The following AEBP2 variants were observed in gnomAD, a reference collection of about 807,000 sequenced individuals.
AEBP2 encodes zinc finger protein AEBP2.
In AEBP2, 10 loss-of-function variants were observed where a neutral mutation model predicts 50.8. That is an observed-to-expected ratio of 0.20 (90% CI 0.12 to 0.33). AEBP2 has a LOEUF of 0.33. AEBP2 is among the 10% of genes least tolerant of loss of function. The pLI is 1.00. For missense variants in AEBP2, 570 were observed against 688.0 expected (o/e 0.83, Z 1.92); for synonymous variants, 296 against 261.3 (o/e 1.13, Z -1.28).
intron 1 of AEBP2, among the ~76,000 whole-genome samples, chr12:19,414,582 C>T (rs937636561): frequency 2.6e-5 from 4 of 152,230 alleles, no homozygotes; most frequent in Admixed American, 1.3e-4. Context: ...CACTGGAGGG[C>T]GATGTCTTTT....
intron 5 of AEBP2, among the ~76,000 whole-genome samples, chr12:19,500,721 T>C (rs1030163777): frequency 8.5e-5 from 13 of 152,184 alleles, no homozygotes; most frequent in Non-Finnish European, 1.8e-4. Context: ...TTTAGTCTCT[T>C]TTGTTCCACT....
intron 1 of AEBP2, among the ~76,000 whole-genome samples, chr12:19,425,383 G>A (rs938302838): frequency 2.6e-5 from 4 of 152,152 alleles, no homozygotes; most frequent in African/African-American, 9.7e-5. Flanking sequence ...TAAATAGCAT[G>A]ATGAATATTA....
chr12:19,483,776 GT>G (rs1316101304), intron 3 of AEBP2, among the ~76,000 whole-genome samples: 1 of 152,076 alleles, frequency 6.6e-6, no homozygotes, highest in African/African-American at 2.4e-5. Context: ...GTTGCTTCTT[GT>G]CTTATTGTTA....
At position 19,441,686 on chromosome 12, in the gene AEBP2, A is replaced by G. The variant is rs529644189; in HGVS notation, c.671+1316A>G. Reference sequence around the variant, plus strand: ...TTAAGAAAATATCTTCGGGTAAAGTAGACTGTATAAACCTTAGAAAAATTG... The same window carrying G: ...TTAAGAAAATATCTTCGGGTAAAGTGGACTGTATAAACCTTAGAAAAATTG... On this transcript the variant is annotated intron_variant, in intron 1 of 7. Coordinates refer to ENST00000266508, the MANE Select transcript of AEBP2 (RefSeq NM_153207.5). 3.3e-5 allele frequency among the ~76,000 whole-genome samples: 5 copies of G among 152,354 alleles called. No individual in the cohort carries two copies. The South Asian group carries it at 1.0e-3, about 32-fold the overall frequency.
chr12:19,514,741 C>G lies in AEBP2; in HGVS notation c.1438C>G (p.Leu480Val), dbSNP rs1303932042. The G allele has an allele frequency of 1.2e-6, 2 of 1,611,790 alleles. No homozygotes were observed. The highest frequency in any genetic ancestry group is 1.7e-6 in the Non-Finnish European group (2 of 1,179,040). ...AACTAAAGTAGTTCATTTATCAAAGCTACCCAAAGATACTGCCTTGCTTTT... is the reference window on the plus strand; with the variant it reads ...AACTAAAGTAGTTCATTTATCAAAGGTACCCAAAGATACTGCCTTGCTTTT... ...LKTKVVHLSK[L>V]PKDTALLLDP... is the part of the protein sequence containing the mutation. Residue 480 changes from leucine to valine, a missense_variant, in exon 7 of 8, where the codon CTA becomes GTA. Leu to Val is a conservative substitution (Grantham distance 32). This residue lies in a region of AEBP2 where 184 missense variants were observed against 351.2 expected (regional missense o/e 0.52). Transcript: ENST00000266508.
Position 19,520,659 on chromosome 12 carries a change from A to T in AEBP2, c.*2542A>T, listed in dbSNP as rs1031421621. ...GTCCAGAATTTATGTATTGTTCAGC[A>T]TCAAGCAAACTACAGCTCACAAGCA... On this transcript the variant is annotated 3_prime_UTR_variant, in exon 8 of 8. Transcript: ENST00000266508. 6.6e-6 allele frequency: 1 copy of T among 152,196 alleles called. No individual in the cohort carries two copies. Among genetic ancestry groups the T allele is most frequent in the African/African-American group, 2.4e-5 (1 of 41,438 alleles). The allele number at this position is 152,196 out of a possible 1,614,324, so 9.4% of individuals were successfully genotyped here.
At chr12:19,475,058 T>C (rs1948627304) in intron 3 of AEBP2, among the ~76,000 whole-genome samples, 1 of 152,206 alleles carries the variant, frequency 6.6e-6, no homozygotes, top group African/African-American at 2.4e-5. Context: ...CCCAAAGTGC[T>C]GGGATTAACC....
chr12:19,492,180 T>TA (rs1243523493), intron 3 of AEBP2, among the ~76,000 whole-genome samples: 1 of 152,238 alleles, frequency 6.6e-6, no homozygotes, highest in African/African-American at 2.4e-5. Flanking sequence ...GTAAATTGGT[T>TA]AAATGACTAA....
chr12:19,459,359 G>T (rs965648785), intron 1 of AEBP2, among the ~76,000 whole-genome samples: 4 of 151,954 alleles, frequency 2.6e-5, no homozygotes, highest in Non-Finnish European at 4.4e-5. Flanking sequence ...AGCCTCCTGA[G>T]TAGCTGGGAC....
chr12:19,459,241 C>CT (rs1031600026), intron 1 of AEBP2, among the ~76,000 whole-genome samples: 17 of 150,312 alleles, frequency 1.1e-4, no homozygotes, highest in Admixed American at 7.3e-4. Flanking sequence ...CTTTTTTTTT[C>CT]TTTTTTTTGA....
Position 19,440,101 on chromosome 12 carries a change from C to T in AEBP2, c.402C>T (p.Ser134=), listed in dbSNP as rs1260973324. The change falls in exon 1 of 8, where the codon AGC becomes AGT. Residue 134 remains serine, a synonymous_variant. Transcript: ENST00000266508. Reference sequence around the variant, plus strand: ...TGGGCAGCAGCGGCGGGAGCAGCAGCGACGAGACCCGCTCGTTGAGCCCCG... The same window carrying T: ...TGGGCAGCAGCGGCGGGAGCAGCAGTGACGAGACCCGCTCGTTGAGCCCCG... ...SLVGSSGGSS[S]DETRSLSPGA... The T allele has an allele frequency of 6.0e-6, 9 of 1,505,588 alleles. No individual in the cohort carries two copies. Among genetic ancestry groups the T allele is most frequent in the East Asian group, 2.7e-5 (1 of 37,184 alleles). The allele number at this position is 1,505,588 out of a possible 1,614,324, so 93.3% of individuals were successfully genotyped here. A position where few individuals can be genotyped will look rare whatever the true frequency, so the allele number is the denominator to read the frequency against.
chr12:19,484,725 C>A lies in AEBP2; in HGVS notation c.988-9075C>A, dbSNP rs1592757936. On this transcript the variant is annotated intron_variant, in intron 3 of 7. Coordinates refer to ENST00000266508, the MANE Select transcript of AEBP2 (RefSeq NM_153207.5). The stretch of plus-strand genomic sequence containing the variant: ...TTTCATTATGGGTTAGGTTGAACAT[C>A]TTTTCATATGTCTAACCGTTCAGAT... Among the ~76,000 whole-genome samples the A allele has an allele frequency of 2.6e-5, 4 of 151,950 alleles. No individual in the cohort carries two copies. In the East Asian group the frequency reaches 7.7e-4, roughly 29 times the overall value.
chr12:19,519,418 T>C lies in AEBP2; in HGVS notation c.*1301T>C, dbSNP rs944247979. On this transcript the variant is annotated 3_prime_UTR_variant, in exon 8 of 8. Transcript: ENST00000266508. ...TTAAGGGACTATGTACTACTGTTAA[T>C]ATCTCTAAGAACAAAACACATTGAA... 1 of 152,564 alleles carries C rather than the reference T, an allele frequency of 6.6e-6. No homozygotes were observed. The highest frequency in any genetic ancestry group is 1.5e-5 in the Non-Finnish European group (1 of 67,978). The allele number at this position is 152,564 out of a possible 1,614,324, so 9.5% of individuals were successfully genotyped here. A position where few individuals can be genotyped will look rare whatever the true frequency, so the allele number is the denominator to read the frequency against.
chr12:19,439,552 T>C lies in AEBP2; in HGVS notation c.-148T>C. On this transcript the variant is annotated 5_prime_UTR_variant, in exon 1 of 8. Coordinates refer to ENST00000266508, the MANE Select transcript of AEBP2 (RefSeq NM_153207.5). The stretch of plus-strand genomic sequence containing the variant: ...CCCCGCGCGGGCTCCGTAGCGCGTG[T>C]GCAGGCTGACGCAGCTCGCGGGCCC... 1.9e-6 allele frequency: 2 copies of C among 1,065,248 alleles called. No individual in the cohort carries two copies. The highest frequency in any genetic ancestry group is 2.6e-6 in the Non-Finnish European group (2 of 776,252). The allele number at this position is 1,065,248 out of a possible 1,614,324, so 66.0% of individuals were successfully genotyped here.
At chr12:19,470,151 A>C (rs12820300) in intron 2 of AEBP2, among the ~76,000 whole-genome samples, 13,710 of 149,568 alleles carry the variant, frequency 0.092, 698 homozygotes, top group Middle Eastern at 0.15. Flanking sequence ...ATTTTTGTGG[A>C]TCTTTCTTTT....
At chr12:19,437,416 A>G (rs1947872144), upstream of AEBP2, among the ~76,000 whole-genome samples, 1 of 152,116 alleles carries the variant, frequency 6.6e-6, no homozygotes, top group African/African-American at 2.4e-5. Flanking sequence ...GGGTGAGGAA[A>G]GGTATGGAGT....
rs56336818 is a variant in AEBP2 at position 19,410,720 on chromosome 12, A to T, written c.-17+6504A>T. Among the ~76,000 whole-genome samples, 1,247 of 152,272 alleles carry T rather than the reference A, an allele frequency of 8.2e-3. 6 individuals are homozygous for T. The highest frequency in any genetic ancestry group is 0.013 in the Non-Finnish European group (914 of 68,034). ...GAGTAAATTAAAATACTAAATTATG[A>T]CTATCTAGGACCTGTTTCCCAGGCT... On this transcript the variant is annotated intron_variant, in intron 1 of 3. Transcript: ENST00000538425.
chr12:19,413,954 C>T lies in AEBP2; in HGVS notation c.-17+9738C>T, dbSNP rs145784909. 3.3e-3 allele frequency among the ~76,000 whole-genome samples: 499 copies of T among 151,834 alleles called. 4 individuals carry two copies. Among genetic ancestry groups the T allele is most frequent in the African/African-American group, 0.011 (462 of 41,394 alleles). ...TGTCACCCAGGCTGGAGTGCAGCGC[C>T]GCCATCTCAGCTCACTGCAACCTCT... On this transcript the variant is annotated intron_variant, in intron 1 of 3. Transcript: ENST00000538425.
intron 5 of AEBP2, among the ~76,000 whole-genome samples, chr12:19,505,916 T>C (rs1408751302): frequency 6.6e-6 from 1 of 151,892 alleles, no homozygotes; most frequent in East Asian, 1.9e-4. Flanking sequence ...GTTTGGTCTG[T>C]AGGAGCACAC....
Sources: gnomAD v4.1 joint callset for allele counts (sites outside exome capture counted in the v4.1 genomes callset) on GRCh38, gnomAD v4.1.1 for gene constraint, gnomAD v4.1.1 regional missense constraint, MANE v1.5 for transcripts, NCBI Gene and HGNC (gene_info 2026-07-23, HGNC 2026-07-21) for gene names.